The following GPD2 variants were observed in gnomAD, a reference collection of about 807,000 sequenced individuals.
The protein encoded by GPD2 is glycerol-3-phosphate dehydrogenase 2, also known as glycerol-3-phosphate dehydrogenase, mitochondrial.
A neutral mutation model predicts 82.4 loss-of-function variants in GPD2; 54 were observed. That is an observed-to-expected ratio of 0.66 (90% confidence interval 0.53 to 0.82). The LOEUF (loss-of-function observed/expected upper bound fraction) is 0.82. Ranked by LOEUF, GPD2 falls within the 40% of genes least tolerant of loss-of-function variation. The pLI, the probability that GPD2 is intolerant of heterozygous loss-of-function variation, is 0.00. For synonymous variants in GPD2, 288 were observed against 306.1 expected (o/e 0.94, Z 0.62); for missense variants, 748 against 896.2 (o/e 0.83, Z 2.11).
chr2:156,475,516 G>C (rs537702382), intron 1 of GPD2, among the ~76,000 whole-genome samples: 1 of 152,232 alleles, frequency 6.6e-6, no homozygotes, highest in African/African-American at 2.4e-5. Flanking sequence ...TTACAAGTGT[G>C]AGCCACCACG....
chr2:156,579,392 G>C (rs556557255), intron 15 of GPD2, among the ~76,000 whole-genome samples: 2 of 147,306 alleles, frequency 1.4e-5, no homozygotes, highest in Non-Finnish European at 3.0e-5. Flanking sequence ...AGTGTTGCAC[G>C]ATCTCGGCTC....
intron 2 of GPD2, among the ~76,000 whole-genome samples, chr2:156,486,231 CTT>C (rs1321362476): frequency 1.3e-5 from 2 of 152,184 alleles, no homozygotes; most frequent in African/African-American, 4.8e-5. Flanking sequence ...TTATTTAACA[CTT>C]AGCCCCCAAA....
intron 3 of GPD2, among the ~76,000 whole-genome samples, chr2:156,509,458 A>G (rs959157296): frequency 2.6e-5 from 4 of 152,206 alleles, no homozygotes; most frequent in Admixed American, 6.5e-5. Context: ...ACGTATTCTC[A>G]TTGTAACTGG....
intron 1 of GPD2, among the ~76,000 whole-genome samples, chr2:156,466,852 A>G (rs995678623): frequency 6.6e-6 from 1 of 152,012 alleles, no homozygotes; most frequent in African/African-American, 2.4e-5. Context: ...CATTTTTTGA[A>G]CTCTGCCCCT....
the GPD2 span, among the ~76,000 whole-genome samples, chr2:156,416,433 G>C: frequency 1.3e-4 from 20 of 149,992 alleles, no homozygotes; most frequent in Admixed American, 1.3e-3. Flanking sequence ...TTGTAACCTT[G>C]ACTTCTCAGG....
chr2:156,534,042 T>A (rs1685967086), intron 6 of GPD2, among the ~76,000 whole-genome samples: 1 of 152,208 alleles, frequency 6.6e-6, no homozygotes, highest in Non-Finnish European at 1.5e-5. Context: ...CCAGGAAGTA[T>A]CAGGTCACAC....
chr2:156,467,430 C>T (rs1407931053), intron 1 of GPD2, among the ~76,000 whole-genome samples: 1 of 152,152 alleles, frequency 6.6e-6, no homozygotes, highest in African/African-American at 2.4e-5. Context: ...TTTGATTTAT[C>T]TTGCGTTATC....
At chr2:156,461,690 A>G (rs905990282) in intron 1 of GPD2, among the ~76,000 whole-genome samples, 12 of 152,260 alleles carry the variant, frequency 7.9e-5, no homozygotes, top group African/African-American at 2.9e-4. Context: ...TACCCCAGTT[A>G]TCCTCTAACC....
chr2:156,429,546 C>T, the GPD2 span, among the ~76,000 whole-genome samples: 1 of 152,160 alleles, frequency 6.6e-6, no homozygotes, highest in Non-Finnish European at 1.5e-5. Context: ...ACCCTCAGGC[C>T]TTTAAATCTA....
chr2:156,570,947 T>C (rs1346721542), intron 12 of GPD2, among the ~76,000 whole-genome samples, 187 bp from the exon 13 acceptor site: 2 of 152,184 alleles, frequency 1.3e-5, no homozygotes, highest in East Asian at 3.8e-4. Flanking sequence ...TTTCCAAACC[T>C]CCTTTGGCAG....
intron 3 of GPD2, among the ~76,000 whole-genome samples, chr2:156,497,875 C>A (rs1684441195): frequency 6.6e-6 from 1 of 152,140 alleles, no homozygotes; most frequent in African/African-American, 2.4e-5. Flanking sequence ...AACCTTGATA[C>A]ACTAAGGCCT....
At chr2:156,477,568 G>T (rs907424628) in intron 2 of GPD2, among the ~76,000 whole-genome samples, 1 of 152,204 alleles carries the variant, frequency 6.6e-6, no homozygotes, top group African/African-American at 2.4e-5. Flanking sequence ...CTTTTGATTA[G>T]CAATAGTCTT....
intron 1 of GPD2, among the ~76,000 whole-genome samples, chr2:156,454,620 G>A (rs185288006): frequency 3.3e-4 from 50 of 152,266 alleles, no homozygotes; most frequent in Admixed American, 7.2e-4. Flanking sequence ...GTTTAGTTTG[G>A]TGAAAGGAAC....
chr2:156,435,840 G>A (rs1229703375), upstream of GPD2: 5 of 152,566 alleles, frequency 3.3e-5, no homozygotes, highest in African/African-American at 1.2e-4. Context: ...GCGGACGAGT[G>A]TCTCCTCTCC....
At chr2:156,579,025 ATCTC>A in intron 14 of GPD2, 24 bp downstream of exon 14, 8 of 1,546,516 alleles carry the variant, frequency 5.2e-6, no homozygotes, top group Middle Eastern at 1.7e-4. Context: ...GTGTCTATCT[ATCTC>A]TCTTTTTTTT....
the GPD2 span, among the ~76,000 whole-genome samples, chr2:156,424,565 G>A: frequency 2.6e-5 from 4 of 152,180 alleles, no homozygotes; most frequent in Non-Finnish European, 4.4e-5. Flanking sequence ...GAGAGCTAAG[G>A]AAACAGATTA....
intron 8 of GPD2, among the ~76,000 whole-genome samples, chr2:156,552,900 T>A (rs1261330002): frequency 6.8e-6 from 1 of 146,200 alleles, no homozygotes; most frequent in South Asian, 2.2e-4. Flanking sequence ...ATATCTTTTT[T>A]TTTTTTTTTT....
chr2:156,546,330 C>G (rs145117827), intron 6 of GPD2, among the ~76,000 whole-genome samples: 49 of 152,206 alleles, frequency 3.2e-4, no homozygotes, highest in African/African-American at 6.7e-4. Context: ...GTATCACATT[C>G]CAATGGCATG....
At chr2:156,421,196 A>C in the GPD2 span, among the ~76,000 whole-genome samples, 13 of 152,350 alleles carry the variant, frequency 8.5e-5, no homozygotes, top group African/African-American at 3.1e-4. Flanking sequence ...AATATGGTGT[A>C]GTCTGAGGAC....
Sources: gnomAD v4.1 joint callset for allele counts (sites outside exome capture counted in the v4.1 genomes callset) on GRCh38, gnomAD v4.1.1 for gene constraint, MANE v1.5 for transcripts, NCBI Gene and HGNC (gene_info 2026-07-23, HGNC 2026-07-21) for gene names.